Variants in FOXK1 observed in about 807,000 individuals in gnomAD.
FOXK1 encodes forkhead box K1, also known as forkhead box protein K1.
Under a neutral mutation model 51.9 loss-of-function variants are expected in FOXK1, and 19 were observed. The observed-to-expected ratio is 0.37, with a 90% CI of 0.26 to 0.54. The LOEUF (loss-of-function observed/expected upper bound fraction) is 0.54. FOXK1 is among the 20% of genes least tolerant of loss of function. The pLI is 0.87. For synonymous variants in FOXK1, 537 were observed against 482.6 expected (o/e 1.11, Z -1.48); for missense variants, 870 against 1,032.7 (o/e 0.84, Z 2.16).
chr7:4,714,524 C>T (rs1244318997), intron 1 of FOXK1, among the ~76,000 whole-genome samples: 2 of 152,238 alleles, frequency 1.3e-5, no homozygotes, highest in African/African-American at 2.4e-5. Context: ...ATCCGCCCAC[C>T]TCCGCCTCCC....
At chr7:4,744,797 C>G (rs928557085) in intron 2 of FOXK1, among the ~76,000 whole-genome samples, 1 of 152,238 alleles carries the variant, frequency 6.6e-6, no homozygotes, top group Non-Finnish European at 1.5e-5. Flanking sequence ...CCGCCCAGTC[C>G]TGTTCTTTGA....
rs1456843762 is a variant in FOXK1 at position 4,748,679 on chromosome 7, C to T, written c.747-5780C>T. ...GTTTTACCAGAGTCCATCCCCCAGT[C>T]GCTTCCTGGGAAAGGGCACAGGAGA... On this transcript the variant is annotated intron_variant, in intron 2 of 8. Coordinates refer to ENST00000328914, the MANE Select transcript of FOXK1 (RefSeq NM_001037165.2). The surrounding 1 kb of genome is among the most constrained non-coding windows in gnomAD (Gnocchi z 4.9). Among the ~76,000 whole-genome samples, 3 of 152,184 alleles carry T rather than the reference C, an allele frequency of 2.0e-5. No individual in the cohort carries two copies. Among genetic ancestry groups the T allele is most frequent in the Admixed American group, 6.5e-5 (1 of 15,274 alleles).
At chr7:4,739,447 A>G (rs917234402) in intron 1 of FOXK1, among the ~76,000 whole-genome samples, 4 of 152,222 alleles carry the variant, frequency 2.6e-5, no homozygotes, top group African/African-American at 9.6e-5. Context: ...TGAGTCCCAC[A>G]GTTAGCAACT....
chr7:4,765,691 G>A lies in FOXK1; in HGVS notation c.*3227G>A, dbSNP rs1781000983. ...GGGCCCCTCCTGCTTTGCCCTGTTC[G>A]GAAAGGGGCTCCCTCAGAGCCCCTG... On this transcript the variant is annotated 3_prime_UTR_variant, in exon 9 of 9. Transcript: ENST00000328914. 1.3e-5 allele frequency: 2 copies of A among 152,232 alleles called. No individual in the cohort carries two copies. Among genetic ancestry groups the A allele is most frequent in the South Asian group, 2.1e-4 (1 of 4,834 alleles). 9.4% of individuals were successfully genotyped at this position (152,232 alleles called of 1,614,324 possible). A position where few individuals can be genotyped will look rare whatever the true frequency, so the allele number is the denominator to read the frequency against.
rs1223976118 is a variant in FOXK1, at chr7:4,747,966, C to T, written c.747-6493C>T. Among the ~76,000 whole-genome samples, 8 of 152,180 alleles carry T rather than the reference C, an allele frequency of 5.3e-5. No homozygotes were observed. The highest frequency in any genetic ancestry group is 2.1e-4 in the South Asian group (1 of 4,838). On this transcript the variant is annotated intron_variant, in intron 2 of 8. Transcript: ENST00000328914. This position sits in a 1 kb window ranked among gnomAD's most constrained non-coding sequence, Gnocchi z 9.2. ...ACTCAAGCGATCCTCCCACCTCAGCCGTGACTACAGGAGCAATCCACTAGT... is the reference window on the plus strand; with the variant it reads ...ACTCAAGCGATCCTCCCACCTCAGCTGTGACTACAGGAGCAATCCACTAGT...
At chr7:4,726,731 G>A (rs756562924) in intron 1 of FOXK1, among the ~76,000 whole-genome samples, 14 of 152,192 alleles carry the variant, frequency 9.2e-5, no homozygotes, top group East Asian at 1.9e-4. Flanking sequence ...TCTGCAGGGC[G>A]GCAGCTGCTT....
chr7:4,759,030 C>T (rs776827661), intron 5 of FOXK1, 21 bp from the exon 6 acceptor site: 10 of 1,565,852 alleles, frequency 6.4e-6, no homozygotes, highest in African/African-American at 1.4e-5. Flanking sequence ...CTGACTGCCG[C>T]GGCCCTTGCC....
intron 1 of FOXK1, among the ~76,000 whole-genome samples, chr7:4,721,589 C>CTTTTTTTTTTTTTTTTTTTTTTTT (rs200132324): frequency 2.7e-5 from 3 of 112,644 alleles, no homozygotes; most frequent in Admixed American, 9.4e-5. Context: ...TCTTTTTTTT[C>CTTTTTTTTTTTTTTTTTTTTTTTT]TTTTTTTTTT....
Position 4,754,364 on chromosome 7 carries a change from A to C in FOXK1, c.747-95A>C, listed in dbSNP as rs534819279. On this transcript the variant is annotated intron_variant, in intron 2 of 8. Transcript: ENST00000328914. Reference sequence around the variant, plus strand: ...ATTGGAAAGTGTGAGCTTCTTCCCCACAGCCCCACCCTCTGGGTAGGTCCT... The same window carrying C: ...ATTGGAAAGTGTGAGCTTCTTCCCCCCAGCCCCACCCTCTGGGTAGGTCCT... 2.1e-4 allele frequency: 295 copies of C among 1,420,440 alleles called. 1 individual carries two copies. The South Asian group carries it at 3.5e-3, about 17-fold the overall frequency. 88.0% of individuals were successfully genotyped at this position (1,420,440 alleles called of 1,614,324 possible). A position where few individuals can be genotyped will look rare whatever the true frequency, so the allele number is the denominator to read the frequency against.
rs143741883 is a variant in FOXK1 at position 4,694,711 on chromosome 7, G to A, written c.560+11843G>A. ...GCCAGCCTTGTCTGTAGGATGACCC[G>A]TGTGGGTCTCACCTGGTGACTGGGA... On this transcript the variant is annotated intron_variant, in intron 1 of 8. Transcript: ENST00000328914. 1.4e-3 allele frequency among the ~76,000 whole-genome samples: 211 copies of A among 152,284 alleles called. 1 individual carries two copies. Among genetic ancestry groups the A allele is most frequent in the African/African-American group, 4.8e-3 (200 of 41,556 alleles).
Position 4,756,880 on chromosome 7 carries a change from G to A in FOXK1, c.1051-114G>A. The A allele has an allele frequency of 8.6e-7, 1 of 1,166,646 alleles. No individual in the cohort carries two copies. The highest frequency in any genetic ancestry group is 1.2e-6 in the Non-Finnish European group (1 of 818,846). The allele number at this position is 1,166,646 out of a possible 1,614,324, so 72.3% of individuals were successfully genotyped here. On this transcript the variant is annotated intron_variant, in intron 4 of 8. Coordinates refer to ENST00000328914, the MANE Select transcript of FOXK1 (RefSeq NM_001037165.2). The surrounding 1 kb of genome is among the most constrained non-coding windows in gnomAD (Gnocchi z 4.1). ...CAGCCAGCACAGCACCAAGGGCTCT[G>A]CACAGAGGGACGGCCTCCCCTCACC...
intron 1 of FOXK1, among the ~76,000 whole-genome samples, chr7:4,697,392 A>G (rs534285655): frequency 1.9e-4 from 29 of 152,342 alleles, no homozygotes; most frequent in African/African-American, 6.7e-4. Flanking sequence ...CCTGTGGGCC[A>G]GACCCTGCCA....
At chr7:4,744,978 C>T (rs1780682823) in intron 2 of FOXK1, among the ~76,000 whole-genome samples, 1 of 152,246 alleles carries the variant, frequency 6.6e-6, no homozygotes, top group African/African-American at 2.4e-5. Context: ...GTTTAGAAAC[C>T]TCAGAGGCCC....
At chr7:4,712,605 G>T (rs1360764632) in intron 1 of FOXK1, among the ~76,000 whole-genome samples, 2 of 152,156 alleles carry the variant, frequency 1.3e-5, no homozygotes, top group African/African-American at 4.8e-5. Context: ...TGAATTCTGG[G>T]TGTATTATTG....
chr7:4,716,498 C>A (rs1321867003), intron 1 of FOXK1, among the ~76,000 whole-genome samples: 1 of 152,060 alleles, frequency 6.6e-6, no homozygotes, highest in Admixed American at 6.6e-5. Context: ...ACAGCAAGGC[C>A]CTGTGTCCCA....
In FOXK1 at chr7:4,708,713, T is replaced by G. The variant is rs749269483; in HGVS notation, c.560+25845T>G. Among the ~76,000 whole-genome samples the G allele has an allele frequency of 2.4e-4, 37 of 152,164 alleles. 1 individual carries two copies. The highest frequency in any genetic ancestry group is 2.1e-4 in the Non-Finnish European group (14 of 68,030). Reference sequence around the variant, plus strand: ...CCCAGCCTGGGGTGAACTTCATTCCTGCCAGCTTCTCAGAGCCTGGTTGGA... The same window carrying G: ...CCCAGCCTGGGGTGAACTTCATTCCGGCCAGCTTCTCAGAGCCTGGTTGGA... On this transcript the variant is annotated intron_variant, in intron 1 of 8. Coordinates refer to ENST00000328914, the MANE Select transcript of FOXK1 (RefSeq NM_001037165.2).
chr7:4,754,750 C>T (rs1412806614), intron 3 of FOXK1, 135 bp downstream of exon 3: 17 of 1,123,808 alleles, frequency 1.5e-5, no homozygotes, highest in South Asian at 3.1e-5. Context: ...GGAATGGAGC[C>T]GCAGCTGGCG....
In FOXK1 at chr7:4,762,487, T is replaced by C; in HGVS notation, c.*23T>C. On this transcript the variant is annotated 3_prime_UTR_variant, in exon 9 of 9. Coordinates refer to ENST00000328914, the MANE Select transcript of FOXK1 (RefSeq NM_001037165.2). This position sits in a 1 kb window ranked among gnomAD's most constrained non-coding sequence, Gnocchi z 5.7. ...TGAGGTCACCTGCAACGCGGGGGAG[T>C]GGGACTCACCCAGCGGCGACCCCGA... is the stretch of plus-strand genomic sequence containing the variant. The C allele has an allele frequency of 6.5e-7, 1 of 1,530,920 alleles. No individual in the cohort carries two copies. The highest frequency in any genetic ancestry group is 2.5e-5 in the East Asian group (1 of 40,362). 94.8% of individuals were successfully genotyped at this position (1,530,920 alleles called of 1,614,324 possible). A position where few individuals can be genotyped will look rare whatever the true frequency, so the allele number is the denominator to read the frequency against.
In FOXK1 at chr7:4,756,158, C is replaced by G. The variant is rs1056769372; in HGVS notation, c.1050+775C>G. Among the ~76,000 whole-genome samples, 1 of 152,098 alleles carries G rather than the reference C, an allele frequency of 6.6e-6. No individual in the cohort carries two copies. Among genetic ancestry groups the G allele is most frequent in the Non-Finnish European group, 1.5e-5 (1 of 68,028 alleles). ...GAGACAGGATCTCGCTCTGCCATCC[C>G]GGCTGGAGTGTGGTGGCGCGATCTC... is the stretch of plus-strand genomic sequence containing the variant. On this transcript the variant is annotated intron_variant, in intron 4 of 8. Coordinates refer to ENST00000328914, the MANE Select transcript of FOXK1 (RefSeq NM_001037165.2). The surrounding 1 kb of genome is among the most constrained non-coding windows in gnomAD (Gnocchi z 4.1).
Sources: gnomAD v4.1 joint callset for allele counts (sites outside exome capture counted in the v4.1 genomes callset) on GRCh38, gnomAD v4.1.1 for gene constraint, Gnocchi (gnomAD v3.1) non-coding constraint, MANE v1.5 for transcripts, NCBI Gene and HGNC (gene_info 2026-07-23, HGNC 2026-07-21) for gene names.